Variants in PDSS2 observed in about 807,000 individuals in gnomAD.
The protein encoded by PDSS2 is decaprenyl diphosphate synthase subunit 2, also known as all trans-polyprenyl-diphosphate synthase PDSS2.
In PDSS2, 31 loss-of-function variants were observed where a neutral mutation model predicts 44.5. That is an observed-to-expected ratio of 0.70 (90% confidence interval 0.52 to 0.94). The LOEUF (loss-of-function observed/expected upper bound fraction) is 0.94. Ranked by LOEUF, PDSS2 falls within the 40% of genes least tolerant of loss-of-function variation. The probability of loss-of-function intolerance (pLI) is 0.00; values close to 1 mark genes in which losing one functional copy is unlikely to be tolerated. For synonymous variants in PDSS2, 157 were observed against 180.3 expected, an observed-to-expected ratio of 0.87 and a Z score of 1.03; for missense variants, 452 against 482.2, an observed-to-expected ratio of 0.94 and a Z score of 0.59.
chr6:107,270,510 G>A (rs918847212), intron 3 of PDSS2, among the ~76,000 whole-genome samples: 7 of 152,250 alleles, frequency 4.6e-5, no homozygotes, highest in African/African-American at 1.7e-4. Flanking sequence ...TTCAGTGACT[G>A]TGACTATTCA....
At chr6:107,252,958 A>G (rs1774874892) in intron 3 of PDSS2, among the ~76,000 whole-genome samples, 1 of 152,224 alleles carries the variant, frequency 6.6e-6, no homozygotes, top group African/African-American at 2.4e-5. Context: ...GTTAGGCCAC[A>G]GTTATACATG....
chr6:107,296,509 T>C (rs1245833206), intron 2 of PDSS2, among the ~76,000 whole-genome samples: 2 of 152,220 alleles, frequency 1.3e-5, no homozygotes, highest in East Asian at 3.8e-4. Context: ...GTGGATCACC[T>C]GAGGTCAGGA....
intron 1 of PDSS2, among the ~76,000 whole-genome samples, chr6:107,348,602 T>C (rs1778327080): frequency 6.6e-6 from 1 of 152,214 alleles, no homozygotes. Flanking sequence ...ATAAAAAAAT[T>C]AATATCTACA....
intron 4 of PDSS2, among the ~76,000 whole-genome samples, chr6:107,234,095 T>C (rs1254523778): frequency 6.6e-6 from 1 of 152,234 alleles, no homozygotes; most frequent in Non-Finnish European, 1.5e-5. Context: ...TTGGTGTTAC[T>C]TGGGAAGAAA....
intron 4 of PDSS2, among the ~76,000 whole-genome samples, chr6:107,236,408 C>T (rs1774224844): frequency 2.0e-5 from 3 of 151,632 alleles, no homozygotes; most frequent in Admixed American, 1.3e-4. Context: ...GTGGAGGTTG[C>T]CGTGAGCTGA....
chr6:107,300,784 T>C (rs1483087644), intron 2 of PDSS2, among the ~76,000 whole-genome samples: 2 of 152,022 alleles, frequency 1.3e-5, no homozygotes, highest in Non-Finnish European at 2.9e-5. Flanking sequence ...AGCGTATGTA[T>C]ACACACACAC....
chr6:107,370,948 G>A (rs1779110431), intron 1 of PDSS2, among the ~76,000 whole-genome samples: 1 of 152,194 alleles, frequency 6.6e-6, no homozygotes, highest in Admixed American at 6.5e-5. Context: ...ACTTTGGGAG[G>A]CTGAGGCGGG....
At chr6:107,179,931 C>A (rs1203762828) in intron 7 of PDSS2, among the ~76,000 whole-genome samples, 2 of 152,156 alleles carry the variant, frequency 1.3e-5, no homozygotes, top group African/African-American at 2.4e-5. Context: ...CTTAATTCAA[C>A]ACAAAATCCG....
At chr6:107,346,557 C>T (rs1277811069) in intron 1 of PDSS2, among the ~76,000 whole-genome samples, 1 of 152,040 alleles carries the variant, frequency 6.6e-6, no homozygotes, top group East Asian at 1.9e-4. Flanking sequence ...ATCTCTGGTG[C>T]TTAGAATAGT....
intron 3 of PDSS2, among the ~76,000 whole-genome samples, chr6:107,252,893 T>C (rs1774872110): frequency 6.6e-6 from 1 of 152,250 alleles, no homozygotes; most frequent in Non-Finnish European, 1.5e-5. Flanking sequence ...ATTCATTTCA[T>C]GAACAGTTTG....
intron 1 of PDSS2, among the ~76,000 whole-genome samples, chr6:107,439,497 T>C (rs1439541036): frequency 1.3e-5 from 2 of 152,170 alleles, no homozygotes; most frequent in African/African-American, 4.8e-5. Flanking sequence ...AAACTACACC[T>C]ATGGCTTCAT....
chr6:107,251,390 T>C (rs1383367325), intron 3 of PDSS2, among the ~76,000 whole-genome samples: 1 of 152,218 alleles, frequency 6.6e-6, no homozygotes, highest in African/African-American at 2.4e-5. Flanking sequence ...TTTACTACAG[T>C]GTGGAATGAA....
chr6:107,439,397 C>T (rs1206731302), intron 1 of PDSS2, among the ~76,000 whole-genome samples: 1 of 152,170 alleles, frequency 6.6e-6, no homozygotes, highest in Non-Finnish European at 1.5e-5. Context: ...CCAGCAAGCC[C>T]AAAATGAGCT....
chr6:107,344,668 G>T (rs1778185255), intron 1 of PDSS2, among the ~76,000 whole-genome samples: 1 of 152,156 alleles, frequency 6.6e-6, no homozygotes, highest in Non-Finnish European at 1.5e-5. Context: ...AAAGTAGAAT[G>T]GGGGTAGGGT....
At chr6:107,157,583 G>C (rs1770948757) in intron 7 of PDSS2, among the ~76,000 whole-genome samples, 1 of 152,086 alleles carries the variant, frequency 6.6e-6, no homozygotes, top group African/African-American at 2.4e-5. Flanking sequence ...ACTGAGCTAG[G>C]AAGATGGCCC....
At chr6:107,408,742 T>C (rs555687845) in intron 1 of PDSS2, among the ~76,000 whole-genome samples, 2 of 152,332 alleles carry the variant, frequency 1.3e-5, no homozygotes, top group East Asian at 3.9e-4. Flanking sequence ...CCATGCCTTC[T>C]GAATTTTCAA....
chr6:107,420,447 T>C (rs1033711503), intron 1 of PDSS2, among the ~76,000 whole-genome samples: 1 of 152,202 alleles, frequency 6.6e-6, no homozygotes. Flanking sequence ...ATCGCTATCA[T>C]AATCAAGACA....
At chr6:107,255,484 G>T (rs762803609) in intron 3 of PDSS2, among the ~76,000 whole-genome samples, 2 of 151,794 alleles carry the variant, frequency 1.3e-5, no homozygotes, top group Non-Finnish European at 2.9e-5. Context: ...GAGCTACCAC[G>T]CCAGGTCCTA....
intron 7 of PDSS2, among the ~76,000 whole-genome samples, chr6:107,171,218 G>T (rs1412748846): frequency 6.6e-6 from 1 of 152,126 alleles, no homozygotes; most frequent in Non-Finnish European, 1.5e-5. Flanking sequence ...CTGAAGTGCA[G>T]TAGCAAGATC....
Sources: allele counts gnomAD v4.1 joint callset (sites outside exome capture counted in the v4.1 genomes callset), GRCh38; gene constraint gnomAD v4.1.1; transcripts MANE v1.5; gene names NCBI Gene and HGNC (gene_info 2026-07-23, HGNC 2026-07-21).